The following DNAAF4 variants were observed in gnomAD, a reference collection of about 807,000 sequenced individuals.
DNAAF4 encodes the protein dynein assembly factor 4, axonemal.
DNAAF4 carries 43 observed loss-of-function variants against 51.8 expected under a neutral mutation model. The ratio of observed to expected loss-of-function variants is 0.83; its 90% CI spans 0.65 to 1.07. The LOEUF is 1.07. Among genes scored for constraint, DNAAF4 ranks in the 50% least tolerant of loss-of-function variants. DNAAF4 has a pLI of 0.00. For missense variants in DNAAF4, 581 were observed against 493.0 expected, an observed-to-expected ratio of 1.18 and a Z score of -1.69; for synonymous variants, 194 against 165.6, an observed-to-expected ratio of 1.17 and a Z score of -1.32.
Position 55,433,843 on chromosome 15 carries a change from T to TATA in DNAAF4, c.1047+1061_1047+1062insTAT, listed in dbSNP as rs1391723191. On this transcript the variant is annotated intron_variant, in intron 8 of 9. Transcript: ENST00000321149. ...TATTATATATATTACATATATTATATATTATATATATTATAATATATATTA... is the reference window on the plus strand; with the variant it reads ...TATTATATATATTACATATATTATATATAATTATATATATTATAATATATATTA... 4.2e-3 allele frequency among the ~76,000 whole-genome samples: 302 copies of TATA among 72,204 alleles called. 2 individuals carry two copies. Among genetic ancestry groups the TATA allele is most frequent in the Non-Finnish European group, 6.7e-3 (257 of 38,550 alleles). 47.4% of individuals were successfully genotyped at this position (72,204 alleles called of 152,430 possible).
intron 3 of DNAAF4, among the ~76,000 whole-genome samples, chr15:55,497,391 A>G (rs1024292361): frequency 2.6e-5 from 4 of 152,030 alleles, no homozygotes; most frequent in Non-Finnish European, 2.9e-5. Flanking sequence ...ATGACCGGTC[A>G]GGAGTGTGAG....
At chr15:55,487,020 A>G (rs1300095432) in intron 4 of DNAAF4, among the ~76,000 whole-genome samples, 2 of 152,140 alleles carry the variant, frequency 1.3e-5, no homozygotes, top group Non-Finnish European at 2.9e-5. Context: ...AAACTCAACT[A>G]ATTTTACACT....
intron 1 of DNAAF4, among the ~76,000 whole-genome samples, chr15:55,503,925 G>A (rs2058712913): frequency 6.6e-6 from 1 of 152,090 alleles, no homozygotes; most frequent in Non-Finnish European, 1.5e-5. Context: ...TTCTGGCCAG[G>A]GCAATCAGGC....
intron 5 of DNAAF4, among the ~76,000 whole-genome samples, chr15:55,455,962 T>C (rs562101904): frequency 1.3e-5 from 2 of 152,172 alleles, no homozygotes; most frequent in African/African-American, 4.8e-5. Context: ...TAAAATCCCC[T>C]GGCACATAGT....
At chr15:55,490,567 C>T (rs2058556882) in intron 4 of DNAAF4, among the ~76,000 whole-genome samples, 1 of 152,016 alleles carries the variant, frequency 6.6e-6, no homozygotes, top group Admixed American at 6.6e-5. Flanking sequence ...ACACTTGCAC[C>T]ATTGAAACTT....
At chr15:55,490,825 G>A (rs2058560741) in intron 4 of DNAAF4, among the ~76,000 whole-genome samples, 1 of 152,052 alleles carries the variant, frequency 6.6e-6, no homozygotes, top group Admixed American at 6.6e-5. Context: ...ATGGTGGCAG[G>A]TGCCTGTAGT....
chr15:55,460,154 AATTTATTT>A (rs201602662), intron 5 of DNAAF4, among the ~76,000 whole-genome samples: 1 of 151,136 alleles, frequency 6.6e-6, no homozygotes, highest in Non-Finnish European at 1.5e-5. Flanking sequence ...AGAACTCTCA[AATTTATTT>A]ATTTATTTAT....
At chr15:55,473,297 GTA>G (rs1369798691) in intron 4 of DNAAF4, among the ~76,000 whole-genome samples, 5 of 133,576 alleles carry the variant, frequency 3.7e-5, no homozygotes, top group Non-Finnish European at 8.0e-5. Flanking sequence ...ATATATATGT[GTA>G]TATATATGTG....
Position 55,491,135 on chromosome 15 carries a change from A to G in DNAAF4, c.393T>C (p.Ser131=). The G allele has an allele frequency of 3.1e-6, 5 of 1,613,990 alleles. No homozygotes were observed. Among genetic ancestry groups the G allele is most frequent in the Non-Finnish European group, 4.2e-6 (5 of 1,179,988 alleles). Residue 131 remains serine, a synonymous_variant, in exon 4 of 10, where the codon AGT becomes AGC. Coordinates refer to ENST00000321149, the MANE Select transcript of DNAAF4 (RefSeq NM_130810.4). The part of the protein sequence containing the change: ...AKREDQKYAL[S]VMMKIEEEER... ...TTCTGCAACTTACCTTCATCATGAC[A>G]CTTAGTGCGTATTTTTGATCTTCCC...
chr15:55,503,745 C>G (rs1010782537), intron 1 of DNAAF4, among the ~76,000 whole-genome samples: 9 of 152,146 alleles, frequency 5.9e-5, no homozygotes, highest in Admixed American at 1.3e-4. Context: ...TAAAAACTCT[C>G]AATAAACTAG....
chr15:55,442,429 C>G (rs1363591297), intron 6 of DNAAF4, among the ~76,000 whole-genome samples: 1 of 152,126 alleles, frequency 6.6e-6, no homozygotes, highest in Non-Finnish European at 1.5e-5. Flanking sequence ...TGAGAGTTGT[C>G]GAAATGCTCG....
chr15:55,491,444 T>C lies in DNAAF4; in HGVS notation c.272-188A>G, dbSNP rs1368238874. Among the ~76,000 whole-genome samples, 7 of 146,392 alleles carry C rather than the reference T, an allele frequency of 4.8e-5. No homozygotes were observed. In the East Asian group the frequency reaches 1.2e-3, roughly 25 times the overall value. The stretch of plus-strand genomic sequence containing the variant: ...TTAAAAGGTAAGCAACTAACTGTAA[T>C]AATAATGAATGACTAGAGAATGAAG... On this transcript the variant is annotated intron_variant, in intron 3 of 9. Transcript: ENST00000321149.
intron 7 of DNAAF4, among the ~76,000 whole-genome samples, chr15:55,420,595 AC>A (rs1010650996): frequency 6.6e-6 from 1 of 152,018 alleles, no homozygotes; most frequent in African/African-American, 2.4e-5. Flanking sequence ...TCTTCCAAAT[AC>A]CCCCCCAAAA....
intron 5 of DNAAF4, among the ~76,000 whole-genome samples, chr15:55,457,459 A>C (rs2058037138): frequency 6.6e-6 from 1 of 152,114 alleles, no homozygotes; most frequent in Non-Finnish European, 1.5e-5. Context: ...TGATGGGGCA[A>C]GGTTTTCTCT....
At chr15:55,428,475 C>CTTTT (rs1353567083), downstream of DNAAF4, among the ~76,000 whole-genome samples, 3 of 92,320 alleles carry the variant, frequency 3.2e-5, no homozygotes, top group Admixed American at 1.2e-4. Context: ...CTCTCACTGT[C>CTTTT]TTTTTTTTCT....
chr15:55,467,544 T>TAC (rs59329424), intron 4 of DNAAF4, among the ~76,000 whole-genome samples: 12,393 of 149,914 alleles, frequency 0.083, 668 homozygotes, highest in African/African-American at 0.15. Context: ...TCTCAAAATC[T>TAC]ACACACACAC....
intron 1 of DNAAF4, among the ~76,000 whole-genome samples, chr15:55,506,843 T>A (rs1411090851): frequency 2.0e-5 from 3 of 152,126 alleles, no homozygotes; most frequent in African/African-American, 7.2e-5. Context: ...CAACTTTTAC[T>A]TTTTTATTTT....
downstream of DNAAF4, among the ~76,000 whole-genome samples, chr15:55,426,510 T>G (rs2057432014): frequency 2.6e-5 from 4 of 152,174 alleles, no homozygotes; most frequent in Admixed American, 2.6e-4. Flanking sequence ...TCTGTTAGGT[T>G]AGCTCTCTTT....
intron 6 of DNAAF4, among the ~76,000 whole-genome samples, chr15:55,442,173 A>G (rs1342930539): frequency 6.6e-6 from 1 of 152,088 alleles, no homozygotes; most frequent in Non-Finnish European, 1.5e-5. Flanking sequence ...GGCTGGAGTG[A>G]TGTGGCATGA....
Sources: allele counts gnomAD v4.1 joint callset (sites outside exome capture counted in the v4.1 genomes callset), GRCh38; gene constraint gnomAD v4.1.1; transcripts MANE v1.5; gene names NCBI Gene and HGNC (gene_info 2026-07-23, HGNC 2026-07-21).